COL4A2: variants seen among roughly 807,000 people sequenced by gnomAD.
COL4A2 encodes collagen alpha-2(IV) chain.
COL4A2 carries 99 observed loss-of-function variants against 200.2 expected under a neutral mutation model. The observed-to-expected ratio is 0.49, with a 90% CI of 0.42 to 0.58. COL4A2 has a LOEUF of 0.58. Among genes scored for constraint, COL4A2 ranks in the 20% least tolerant of loss-of-function variants. COL4A2 has a pLI of 0.00. For missense variants in COL4A2, 1,950 were observed against 2,314.1 expected, an observed-to-expected ratio of 0.84 and a Z score of 3.23; for synonymous variants, 897 against 900.6, an observed-to-expected ratio of 1.00 and a Z score of 0.07.
chr13:110,475,426 G>T (rs772679188), intron 29 of COL4A2, among the ~76,000 whole-genome samples: 6 of 152,178 alleles, frequency 3.9e-5, no homozygotes, highest in Non-Finnish European at 5.9e-5. Flanking sequence ...CCTGCCCCAA[G>T]CTCTTTGACA....
intron 24 of COL4A2, among the ~76,000 whole-genome samples, chr13:110,464,609 G>GTCA (rs1181254540): frequency 6.6e-6 from 1 of 152,120 alleles, no homozygotes; most frequent in Non-Finnish European, 1.5e-5. Flanking sequence ...GCCCCGCTCC[G>GTCA]TCATGCCTTT....
chr13:110,363,165 G>A (rs981355264), intron 4 of COL4A2, among the ~76,000 whole-genome samples: 1 of 152,202 alleles, frequency 6.6e-6, no homozygotes, highest in Non-Finnish European at 1.5e-5. Flanking sequence ...ACGAGTGAGT[G>A]GAGGCCTCTG....
At chr13:110,428,428 C>A in intron 6 of COL4A2, 39 bp from the exon 7 acceptor site, 1 of 1,227,362 alleles carries the variant, frequency 8.1e-7, no homozygotes, top group Non-Finnish European at 1.2e-6. Context: ...AACTAGAAGC[C>A]TGCTGGTTGG....
chr13:110,420,129 G>A (rs1010056099), intron 4 of COL4A2, among the ~76,000 whole-genome samples: 15 of 152,062 alleles, frequency 9.9e-5, no homozygotes, highest in Admixed American at 5.9e-4. Context: ...AGGTGACGCC[G>A]ACACAGACCT....
rs900582477 is a variant in COL4A2 at position 110,503,034 on chromosome 13, G to A, written c.3878-87G>A. 3.7e-5 allele frequency: 46 copies of A among 1,252,836 alleles called. 1 individual carries two copies. The Middle Eastern group carries it at 7.7e-4, about 21-fold the overall frequency. The allele number at this position is 1,252,836 out of a possible 1,614,324, so 77.6% of individuals were successfully genotyped here. A position where few individuals can be genotyped will look rare whatever the true frequency, so the allele number is the denominator to read the frequency against. On this transcript the variant is annotated intron_variant, in intron 41 of 47. Transcript: ENST00000360467. ...TGCCACAGACTTGCCAGAGACTGTC[G>A]CCTGAATGGGTGACGGTGCACCTGA... is the stretch of plus-strand genomic sequence containing the variant.
chr13:110,328,544 T>G (rs1024222591), intron 3 of COL4A2: 2 of 152,232 alleles, frequency 1.3e-5, no homozygotes, highest in Non-Finnish European at 2.9e-5. Context: ...CAGCGCACTT[T>G]TCAGAAGAAA....
intron 40 of COL4A2, among the ~76,000 whole-genome samples, chr13:110,495,762 C>T (rs1452677096): frequency 1.3e-5 from 2 of 152,214 alleles, no homozygotes; most frequent in Admixed American, 1.3e-4. Flanking sequence ...GGCACTGGCA[C>T]AGGCCTTGCC....
intron 6 of COL4A2, among the ~76,000 whole-genome samples, chr13:110,427,961 ACTAT>A (rs1207788200): frequency 2.0e-5 from 3 of 152,342 alleles, no homozygotes; most frequent in Non-Finnish European, 2.9e-5. Flanking sequence ...TGTGAAACTC[ACTAT>A]CTAAAATGCA....
chr13:110,478,199 C>T (rs1162055304), intron 30 of COL4A2, 35 bp downstream of exon 30: 2 of 1,489,242 alleles, frequency 1.3e-6, no homozygotes, highest in South Asian at 1.3e-5. Context: ...CGAGTGGGGT[C>T]CTCACTGGTC....
At chr13:110,484,405 G>A (rs924099954) in intron 32 of COL4A2, among the ~76,000 whole-genome samples, 1 of 152,032 alleles carries the variant, frequency 6.6e-6, no homozygotes, top group African/African-American at 2.4e-5. Flanking sequence ...CCGGCCCGCA[G>A]CTCTGGGCCC....
In COL4A2 at chr13:110,307,925, G is replaced by A; in HGVS notation, c.22G>A (p.Val8Met). The part of the protein sequence containing the change: MGRDQRA[V>M]AGPALRRWLL... ...CAGCATGGGGAGAGACCAGCGCGCG[G>A]TGGCCGGCCCTGCCCTACGGCGGTA... The change falls in exon 2 of 48, where the codon GTG becomes ATG. Residue 8 changes from valine (V) to methionine (M), a missense_variant. Coordinates refer to ENST00000360467, the MANE Select transcript of COL4A2 (RefSeq NM_001846.4). The surrounding 1 kb of genome is among the most constrained non-coding windows in gnomAD (Gnocchi z 5.0). 1 of 1,612,962 alleles carries A rather than the reference G, an allele frequency of 6.2e-7. No individual in the cohort carries two copies. The highest frequency in any genetic ancestry group is 8.5e-7 in the Non-Finnish European group (1 of 1,179,718).
chr13:110,471,721 C>G (rs573688717), intron 28 of COL4A2, among the ~76,000 whole-genome samples: 12 of 152,178 alleles, frequency 7.9e-5, no homozygotes, highest in Admixed American at 1.3e-4. Flanking sequence ...ATGGCTTTAC[C>G]GGCCCAGGAG....
At chr13:110,415,663 G>A (rs573341491) in intron 4 of COL4A2, among the ~76,000 whole-genome samples, 1 of 152,230 alleles carries the variant, frequency 6.6e-6, no homozygotes, top group South Asian at 2.1e-4. Context: ...CAGTCTAAAT[G>A]CAAAATAGAT....
At chr13:110,419,603 C>T (rs886347898) in intron 4 of COL4A2, among the ~76,000 whole-genome samples, 12 of 152,164 alleles carry the variant, frequency 7.9e-5, no homozygotes, top group African/African-American at 2.2e-4. Flanking sequence ...GCGGGAGTGT[C>T]GGGACCCTGA....
At chr13:110,380,181 A>G (rs1162351373) in intron 4 of COL4A2, among the ~76,000 whole-genome samples, 1 of 152,222 alleles carries the variant, frequency 6.6e-6, no homozygotes, top group Admixed American at 6.5e-5. Context: ...AGTGATTTGC[A>G]TTTGATAACA....
At chr13:110,369,085 C>T (rs972431832) in intron 4 of COL4A2, among the ~76,000 whole-genome samples, 1 of 152,132 alleles carries the variant, frequency 6.6e-6, no homozygotes, top group African/African-American at 2.4e-5. Flanking sequence ...TGGCACGCCA[C>T]CTGTAGTCCC....
chr13:110,428,395 G>C, intron 6 of COL4A2, 72 bp from the exon 7 acceptor site: 2 of 896,828 alleles, frequency 2.2e-6, no homozygotes, highest in Non-Finnish European at 3.5e-6. Context: ...ATATAAGACT[G>C]TTTTATCTCA....
chr13:110,497,548 G>A lies in COL4A2; in HGVS notation c.3760+2081G>A, dbSNP rs1478455672. On this transcript the variant is annotated intron_variant, in intron 40 of 47. Coordinates refer to ENST00000360467, the MANE Select transcript of COL4A2 (RefSeq NM_001846.4). ...CACTCAGGACTGAGGATTTAGGTCA[G>A]TCCACCAGCACAACCTCCACTCAGG... Among the ~76,000 whole-genome samples, 135 of 116,640 alleles carry A rather than the reference G, an allele frequency of 1.2e-3. 1 individual carries two copies. Among genetic ancestry groups the A allele is most frequent in the South Asian group, 3.5e-3 (12 of 3,470 alleles). The allele number at this position is 116,640 out of a possible 152,430, so 76.5% of individuals were successfully genotyped here. A position where few individuals can be genotyped will look rare whatever the true frequency, so the allele number is the denominator to read the frequency against.
At chr13:110,419,124 C>T (rs893959444) in intron 4 of COL4A2, among the ~76,000 whole-genome samples, 1 of 152,126 alleles carries the variant, frequency 6.6e-6, no homozygotes, top group Non-Finnish European at 1.5e-5. Flanking sequence ...GAACACACTG[C>T]GGAAGGGAGG....
Sources: gnomAD v4.1 joint callset for allele counts (sites outside exome capture counted in the v4.1 genomes callset) on GRCh38, gnomAD v4.1.1 for gene constraint, Gnocchi (gnomAD v3.1) non-coding constraint, MANE v1.5 for transcripts, NCBI Gene and HGNC (gene_info 2026-07-23, HGNC 2026-07-21) for gene names.